Variants in NELL2 observed in about 807,000 individuals in gnomAD.
The protein encoded by NELL2 is neural EGFL like 2.
In NELL2, 41 loss-of-function variants were observed where a neutral mutation model predicts 109.6. That is an observed-to-expected ratio of 0.37 (90% confidence interval 0.29 to 0.49). NELL2 has a LOEUF of 0.49. NELL2 is among the 20% of genes least tolerant of loss of function. The probability of loss-of-function intolerance (pLI) is 0.98; values close to 1 mark genes in which losing one functional copy is unlikely to be tolerated. For synonymous variants in NELL2, 355 were observed against 344.7 expected, an observed-to-expected ratio of 1.03 and a Z score of -0.33; for missense variants, 900 against 1,008.3, an observed-to-expected ratio of 0.89 and a Z score of 1.45.
At chr12:44,878,809 T>C (rs147925435), upstream of NELL2, among the ~76,000 whole-genome samples, 257 of 152,284 alleles carry the variant, frequency 1.7e-3, 1 homozygote, top group African/African-American at 5.7e-3. Flanking sequence ...TTTTAGACAA[T>C]GTTAAAATTT....
chr12:44,606,944 A>G (rs1410682900), intron 15 of NELL2, among the ~76,000 whole-genome samples: 1 of 152,126 alleles, frequency 6.6e-6, no homozygotes, highest in Non-Finnish European at 1.5e-5. Flanking sequence ...AAAGTTCAAT[A>G]TGCGTCTAGT....
At chr12:44,821,861 G>C (rs1054241362) in intron 2 of NELL2, among the ~76,000 whole-genome samples, 7 of 151,690 alleles carry the variant, frequency 4.6e-5, no homozygotes, top group African/African-American at 1.7e-4. Flanking sequence ...GGAACTACAA[G>C]TGTGCACCAC....
At chr12:44,552,020 A>G (rs1012691027) in intron 15 of NELL2, among the ~76,000 whole-genome samples, 2 of 152,174 alleles carry the variant, frequency 1.3e-5, no homozygotes, top group Non-Finnish European at 2.9e-5. Flanking sequence ...CTGGTCCCAG[A>G]AAAATGACTG....
chr12:44,568,973 A>T (rs1943761071), intron 15 of NELL2, among the ~76,000 whole-genome samples: 1 of 152,040 alleles, frequency 6.6e-6, no homozygotes, highest in African/African-American at 2.4e-5. Flanking sequence ...AGATTATTTC[A>T]TCACCCAGGT....
chr12:44,741,240 C>T (rs1939941491), intron 9 of NELL2, among the ~76,000 whole-genome samples: 2 of 152,156 alleles, frequency 1.3e-5, no homozygotes, highest in Admixed American at 6.5e-5. Flanking sequence ...ATTTTCTTTT[C>T]TTTAGATTAT....
At chr12:44,674,385 A>AT (rs1948239955) in intron 12 of NELL2, among the ~76,000 whole-genome samples, 1 of 152,152 alleles carries the variant, frequency 6.6e-6, no homozygotes, top group Non-Finnish European at 1.5e-5. Flanking sequence ...AATGACTAAG[A>AT]GTAGAGATAT....
intron 13 of NELL2, among the ~76,000 whole-genome samples, chr12:44,635,470 A>C (rs1946605729): frequency 6.6e-6 from 1 of 152,176 alleles, no homozygotes; most frequent in Non-Finnish European, 1.5e-5. Context: ...ATAAGCTGTA[A>C]GGAAGGGGTC....
rs1350852289 is a variant in NELL2, at chr12:44,711,371, C to T, written c.1110G>A (p.Glu370=). ...ECKDQTMKLV[E]SSGCPALDCP... ...AATCCAAAGCTGGACAGCCTGAACT[C>T]TCAACAAGTTTCATGGTCTGGTCCT... Residue 370 remains glutamate (E), a synonymous_variant, in exon 11 of 20, where the codon GAG becomes GAA. Transcript: ENST00000429094. 5.6e-6 allele frequency: 9 copies of T among 1,612,426 alleles called. No homozygotes were observed. The highest frequency in any genetic ancestry group is 7.6e-6 in the Non-Finnish European group (9 of 1,178,820).
intron 13 of NELL2, among the ~76,000 whole-genome samples, chr12:44,657,769 G>C (rs529734498): frequency 4.5e-4 from 68 of 152,226 alleles, no homozygotes; most frequent in African/African-American, 1.5e-3. Flanking sequence ...TGAGAATGAC[G>C]GTTTCCAGCT....
rs76924453 is a variant in NELL2 at position 44,842,845 on chromosome 12, C to T, written c.185-26709G>A. Among the ~76,000 whole-genome samples the T allele has an allele frequency of 9.8e-3, 1,490 of 151,742 alleles. 26 individuals are homozygous for T. The highest frequency in any genetic ancestry group is 0.048 in the East Asian group (248 of 5,138). On this transcript the variant is annotated intron_variant, in intron 2 of 19. Transcript: ENST00000429094. ...CAGACACGCACACAGAGGGAAGAGG[C>T]CCACGTGCAGATGGAGGCAAGAATT... is the stretch of plus-strand genomic sequence containing the variant.
intron 2 of NELL2, among the ~76,000 whole-genome samples, chr12:44,853,984 C>T (rs1308302844): frequency 6.6e-6 from 1 of 152,142 alleles, no homozygotes. Flanking sequence ...CCATCAGTCT[C>T]CAGGAAGAAC....
intron 15 of NELL2, among the ~76,000 whole-genome samples, chr12:44,550,818 A>C (rs755845333): frequency 6.6e-6 from 1 of 152,154 alleles, no homozygotes; most frequent in Non-Finnish European, 1.5e-5. Flanking sequence ...AAAACAGCCA[A>C]ACTCATAGCA....
At chr12:44,530,773 C>T (rs557701032) in intron 16 of NELL2, among the ~76,000 whole-genome samples, 25 of 152,242 alleles carry the variant, frequency 1.6e-4, no homozygotes, top group Middle Eastern at 3.4e-3. Context: ...TCCCACTCCC[C>T]CCATTACCAC....
At chr12:44,763,059 C>T (rs1024338407) in intron 9 of NELL2, among the ~76,000 whole-genome samples, 1 of 152,176 alleles carries the variant, frequency 6.6e-6, no homozygotes, top group African/African-American at 2.4e-5. Flanking sequence ...ATTCTTACAT[C>T]CCATTTCATA....
chr12:44,563,715 T>G (rs976011050), intron 15 of NELL2, among the ~76,000 whole-genome samples: 10 of 152,238 alleles, frequency 6.6e-5, no homozygotes, highest in Admixed American at 6.5e-4. Flanking sequence ...TAAATATTAA[T>G]TCTCATTGAA....
chr12:44,847,016 G>A (rs1944391771), intron 2 of NELL2, among the ~76,000 whole-genome samples: 1 of 152,330 alleles, frequency 6.6e-6, no homozygotes, highest in Non-Finnish European at 1.5e-5. Context: ...GAGAGCAGCT[G>A]ATTAATGCCT....
intron 15 of NELL2, among the ~76,000 whole-genome samples, chr12:44,591,767 A>T (rs2136226286): frequency 6.6e-6 from 1 of 152,336 alleles, no homozygotes; most frequent in South Asian, 2.1e-4. Context: ...AGAATTTTGA[A>T]TGTTCCCAAC....
chr12:44,536,856 C>G (rs1011718587), intron 15 of NELL2, among the ~76,000 whole-genome samples: 1 of 151,798 alleles, frequency 6.6e-6, no homozygotes, highest in Admixed American at 6.6e-5. Flanking sequence ...AGCCATCCAA[C>G]AACAGTCATG....
intron 9 of NELL2, among the ~76,000 whole-genome samples, chr12:44,729,587 C>T (rs1227374174): frequency 7.3e-6 from 1 of 136,342 alleles, no homozygotes; most frequent in East Asian, 2.1e-4. Context: ...AACCAAGAGC[C>T]AATTATATGC....
Sources: allele counts gnomAD v4.1 joint callset (sites outside exome capture counted in the v4.1 genomes callset), GRCh38; gene constraint gnomAD v4.1.1; transcripts MANE v1.5; gene names NCBI Gene and HGNC (gene_info 2026-07-23, HGNC 2026-07-21).